RIMKLA: variants seen among roughly 807,000 people sequenced by gnomAD.
RIMKLA encodes N-acetylaspartylglutamate synthase A.
In RIMKLA, 14 loss-of-function variants were observed where a neutral mutation model predicts 32.7. That is an observed-to-expected ratio of 0.43 (90% CI 0.28 to 0.67). The LOEUF is 0.67. Among genes scored for constraint, RIMKLA ranks in the 30% least tolerant of loss-of-function variants. The pLI, the probability that RIMKLA is intolerant of heterozygous loss-of-function variation, is 0.18. For missense variants in RIMKLA, 410 were observed against 519.0 expected (o/e 0.79, Z 2.04); for synonymous variants, 176 against 204.1 (o/e 0.86, Z 1.18).
intron 1 of RIMKLA, among the ~76,000 whole-genome samples, chr1:42,391,584 A>G (rs1643000580): frequency 6.6e-6 from 1 of 152,114 alleles, no homozygotes; most frequent in African/African-American, 2.4e-5. Flanking sequence ...CACACGGAAA[A>G]GGTTGAGGAT....
chr1:42,390,380 T>G (rs1040280735), intron 1 of RIMKLA, among the ~76,000 whole-genome samples: 3 of 152,184 alleles, frequency 2.0e-5, no homozygotes, highest in Non-Finnish European at 4.4e-5. Context: ...GGTACATTTG[T>G]ATGCTGTTGT....
At chr1:42,383,225 C>G (rs1642904918) in intron 1 of RIMKLA, among the ~76,000 whole-genome samples, 1 of 152,032 alleles carries the variant, frequency 6.6e-6, no homozygotes, top group Non-Finnish European at 1.5e-5. Context: ...CAGCTATTTG[C>G]CTGGTCGATG....
intron 1 of RIMKLA, among the ~76,000 whole-genome samples, chr1:42,397,879 G>T (rs1643061532): frequency 6.6e-6 from 1 of 152,036 alleles, no homozygotes; most frequent in South Asian, 2.1e-4. Context: ...CAGATTCTGG[G>T]TGCACCATGG....
rs113966835 is a variant in RIMKLA, at chr1:42,415,222, C to T, written c.*248C>T. The T allele has an allele frequency of 4.1e-3, 1,747 of 426,364 alleles. 13 individuals are homozygous for T. Among genetic ancestry groups the T allele is most frequent in the African/African-American group, 0.018 (897 of 50,378 alleles). The allele number at this position is 426,364 out of a possible 1,614,324, so 26.4% of individuals were successfully genotyped here. A position where few individuals can be genotyped will look rare whatever the true frequency, so the allele number is the denominator to read the frequency against. On this transcript the variant is annotated 3_prime_UTR_variant, in exon 5 of 5. Transcript: ENST00000431473. ...ATGAGACTGATGTCTGCTGTGAGCA[C>T]GTGGATATTACGGCTGACGCTAAGG...
chr1:42,390,258 G>A (rs1358494976), intron 1 of RIMKLA, among the ~76,000 whole-genome samples: 1 of 152,070 alleles, frequency 6.6e-6, no homozygotes. Flanking sequence ...GGCTGGTCTC[G>A]AACTTCAGAA....
chr1:42,399,363 C>T (rs930726246), intron 1 of RIMKLA, 41 bp from the exon 2 acceptor site: 12 of 1,403,714 alleles, frequency 8.5e-6, no homozygotes, highest in African/African-American at 7.0e-5. Context: ...GTGGACTAAA[C>T]GATAGCAGGC....
intron 3 of RIMKLA, among the ~76,000 whole-genome samples, chr1:42,405,343 G>C (rs941601195): frequency 4.3e-4 from 65 of 152,226 alleles, no homozygotes; most frequent in African/African-American, 1.4e-3. Flanking sequence ...TTCTTTACTA[G>C]ACTGCGAGCT....
intron 3 of RIMKLA, among the ~76,000 whole-genome samples, chr1:42,409,353 A>G (rs1319286336): frequency 6.6e-6 from 1 of 152,170 alleles, no homozygotes. Context: ...TCAGAATTAA[A>G]TGGGTATAGC....
At chr1:42,387,135 G>C (rs1642956571) in intron 1 of RIMKLA, among the ~76,000 whole-genome samples, 2 of 152,182 alleles carry the variant, frequency 1.3e-5, no homozygotes, top group Non-Finnish European at 2.9e-5. Flanking sequence ...CAGCTACTCA[G>C]GAGGCTGAGG....
intron 1 of RIMKLA, among the ~76,000 whole-genome samples, chr1:42,398,447 G>A (rs1557754049): frequency 6.6e-6 from 1 of 152,118 alleles, no homozygotes; most frequent in Non-Finnish European, 1.5e-5. Context: ...TGTTGTAAAG[G>A]TAATAAGTAC....
At chr1:42,382,708 A>G (rs184693963) in intron 1 of RIMKLA, among the ~76,000 whole-genome samples, 1 of 152,370 alleles carries the variant, frequency 6.6e-6, no homozygotes, top group Admixed American at 6.5e-5. Flanking sequence ...CTCTGTATCT[A>G]AAACCTCATT....
chr1:42,414,344 G>A, intron 4 of RIMKLA, 140 bp from the exon 5 acceptor site: 2 of 860,624 alleles, frequency 2.3e-6, no homozygotes, highest in Non-Finnish European at 3.6e-6. Flanking sequence ...TTCCCAAGGT[G>A]TACTGATTTC....
intron 2 of RIMKLA, among the ~76,000 whole-genome samples, chr1:42,400,245 A>T (rs1186147919): frequency 6.6e-6 from 1 of 152,164 alleles, no homozygotes; most frequent in Non-Finnish European, 1.5e-5. Context: ...GGCTGGGAAA[A>T]TAAGAGGGCA....
At chr1:42,395,010 A>T (rs1192880794) in intron 1 of RIMKLA, among the ~76,000 whole-genome samples, 2 of 152,224 alleles carry the variant, frequency 1.3e-5, no homozygotes, top group African/African-American at 2.4e-5. Context: ...AGGTGCTGGG[A>T]TTACAGGCGA....
intron 1 of RIMKLA, among the ~76,000 whole-genome samples, chr1:42,387,438 A>C (rs947278454): frequency 6.6e-6 from 1 of 152,096 alleles, no homozygotes; most frequent in Non-Finnish European, 1.5e-5. Context: ...TGAGAAAGTG[A>C]TAAATTTAGA....
intron 4 of RIMKLA, among the ~76,000 whole-genome samples, chr1:42,413,899 C>T (rs72964253): frequency 0.18 from 26,143 of 148,434 alleles, 2,415 homozygotes; most frequent in East Asian, 0.23. Context: ...AACCCTACAG[C>T]GAGCCACCAT....
Position 42,422,291 on chromosome 1 carries a change from G to C in RIMKLA, c.*7317G>C, listed in dbSNP as rs1379454873. ...TTCTGTGATTTCAACACTTGAGAAA[G>C]ATGTTTACTTTGCTACTAAACTTAT... On this transcript the variant is annotated 3_prime_UTR_variant, in exon 5 of 5. Coordinates refer to ENST00000431473, the MANE Select transcript of RIMKLA (RefSeq NM_173642.4). 2 of 152,236 alleles carry C rather than the reference G, an allele frequency of 1.3e-5. No individual in the cohort carries two copies. The highest frequency in any genetic ancestry group is 2.9e-5 in the Non-Finnish European group (2 of 68,046). 9.4% of individuals were successfully genotyped at this position (152,236 alleles called of 1,614,324 possible).
chr1:42,398,203 G>C (rs1282351077), intron 1 of RIMKLA, among the ~76,000 whole-genome samples: 1 of 152,132 alleles, frequency 6.6e-6, no homozygotes, highest in African/African-American at 2.4e-5. Flanking sequence ...TCTGTCTCCT[G>C]GAGTTTTAGA....
intron 4 of RIMKLA, among the ~76,000 whole-genome samples, chr1:42,411,679 T>C (rs977158771): frequency 8.7e-6 from 1 of 114,334 alleles, no homozygotes; most frequent in African/African-American, 3.1e-5. Context: ...TATTTATTTA[T>C]TTATTTATTT....
Sources: gnomAD v4.1 joint callset for allele counts (sites outside exome capture counted in the v4.1 genomes callset) on GRCh38, gnomAD v4.1.1 for gene constraint, MANE v1.5 for transcripts, NCBI Gene and HGNC (gene_info 2026-07-23, HGNC 2026-07-21) for gene names.